Variants in DIP2C observed in about 807,000 individuals in gnomAD.
DIP2C encodes the protein disco-interacting protein 2 homolog C.
A neutral mutation model predicts 192.4 loss-of-function variants in DIP2C; 33 were observed. The observed-to-expected ratio is 0.17, with a 90% confidence interval of 0.13 to 0.23. The LOEUF is 0.23. DIP2C is among the 10% of genes least tolerant of loss of function. The pLI, the probability that DIP2C is intolerant of heterozygous loss-of-function variation, is 1.00. For synonymous variants in DIP2C, 979 were observed against 864.1 expected, an observed-to-expected ratio of 1.13 and a Z score of -2.33; for missense variants, 1,537 against 2,110.1, an observed-to-expected ratio of 0.73 and a Z score of 5.32.
chr10:370,609 G>A (rs2132791887), intron 17 of DIP2C, among the ~76,000 whole-genome samples: 1 of 152,358 alleles, frequency 6.6e-6, no homozygotes, highest in East Asian at 1.9e-4. Flanking sequence ...ATGAATAGCT[G>A]CTGACTGAAT....
At chr10:485,681 C>T (rs1843964880) in intron 2 of DIP2C, among the ~76,000 whole-genome samples, 1 of 152,154 alleles carries the variant, frequency 6.6e-6, no homozygotes, top group Non-Finnish European at 1.5e-5. Context: ...CATCCTTAAA[C>T]CTTCTAAAAT....
At chr10:593,413 C>T in intron 1 of DIP2C, among the ~76,000 whole-genome samples, 1 of 151,778 alleles carries the variant, frequency 6.6e-6, no homozygotes, top group Non-Finnish European at 1.5e-5. Context: ...TGCCTTCACA[C>T]CTCACCCCCG....
At chr10:295,475 G>A (rs1288483930) in intron 32 of DIP2C, among the ~76,000 whole-genome samples, 1 of 150,094 alleles carries the variant, frequency 6.7e-6, no homozygotes, top group African/African-American at 2.5e-5. Flanking sequence ...GCAGGAGAAT[G>A]GCATGAACCC....
intron 3 of DIP2C, among the ~76,000 whole-genome samples, chr10:464,456 C>T (rs574464055): frequency 1.5e-4 from 23 of 151,558 alleles, no homozygotes; most frequent in Admixed American, 1.1e-3. Flanking sequence ...TACCATTCCA[C>T]GCCAGTTAGA....
At chr10:641,584 TG>T (rs1855201996) in intron 1 of DIP2C, 1 of 154,046 alleles carries the variant, frequency 6.5e-6, no homozygotes, top group African/African-American at 2.4e-5. Context: ...GCCAGTACAT[TG>T]AAAAAACAGC....
intron 10 of DIP2C, 144 bp from the exon 11 acceptor site, chr10:391,007 G>C: frequency 2.5e-6 from 3 of 1,222,278 alleles, no homozygotes; most frequent in Admixed American, 2.4e-5. Context: ...GTATCTGTGG[G>C]ACCCTGAACA....
At chr10:452,658 G>A (rs1184328988) in intron 3 of DIP2C, among the ~76,000 whole-genome samples, 1 of 152,218 alleles carries the variant, frequency 6.6e-6, no homozygotes, top group Non-Finnish European at 1.5e-5. Flanking sequence ...AAGCCACGAT[G>A]GCCCCCTGGT....
chr10:378,709 A>G (rs1961972204), intron 17 of DIP2C, among the ~76,000 whole-genome samples: 1 of 152,028 alleles, frequency 6.6e-6, no homozygotes, highest in Non-Finnish European at 1.5e-5. Context: ...ATGAACAGAT[A>G]TGCACAGACA....
At chr10:672,331 G>A (rs552607055) in intron 1 of DIP2C, among the ~76,000 whole-genome samples, 1 of 152,334 alleles carries the variant, frequency 6.6e-6, no homozygotes, top group Admixed American at 6.5e-5. Flanking sequence ...ACCCACGGAC[G>A]AAGGAAACAG....
chr10:662,796 C>G, intron 1 of DIP2C: 1 of 713,066 alleles, frequency 1.4e-6, no homozygotes. Flanking sequence ...TTTAGAAGAA[C>G]CAAAACTGTG....
At chr10:341,613 C>A (rs1260152556) in intron 28 of DIP2C, among the ~76,000 whole-genome samples, 1 of 152,106 alleles carries the variant, frequency 6.6e-6, no homozygotes, top group Non-Finnish European at 1.5e-5. Flanking sequence ...CGGGGCTGCA[C>A]TGAATGCATG....
At chr10:420,340 C>T (rs1966097849) in intron 5 of DIP2C, among the ~76,000 whole-genome samples, 1 of 152,248 alleles carries the variant, frequency 6.6e-6, no homozygotes, top group East Asian at 1.9e-4. Context: ...GTCGGCCCCT[C>T]CTGACGGTGT....
At chr10:672,052 GAC>G (rs1475662240) in intron 1 of DIP2C, among the ~76,000 whole-genome samples, 2 of 146,214 alleles carry the variant, frequency 1.4e-5, no homozygotes, top group East Asian at 2.1e-4. Context: ...ACAGGCCACA[GAC>G]ACACAGACGG....
chr10:571,276 T>C (rs1849779563), intron 1 of DIP2C, among the ~76,000 whole-genome samples: 1 of 152,130 alleles, frequency 6.6e-6, no homozygotes, highest in South Asian at 2.1e-4. Context: ...GTCGACCACA[T>C]CTCAGGTCAG....
At chr10:687,885 G>A (rs1182249056) in intron 1 of DIP2C, among the ~76,000 whole-genome samples, 1 of 152,210 alleles carries the variant, frequency 6.6e-6, no homozygotes, top group East Asian at 1.9e-4. Flanking sequence ...CTGAGCTCAG[G>A]GGCGCTACGC....
intron 17 of DIP2C, among the ~76,000 whole-genome samples, chr10:371,281 G>A (rs1222916068): frequency 2.0e-5 from 3 of 152,138 alleles, no homozygotes; most frequent in Non-Finnish European, 1.5e-5. Context: ...GCTGTGGGTT[G>A]AATCGTGTCC....
intron 1 of DIP2C, among the ~76,000 whole-genome samples, chr10:684,389 C>T (rs2119101491): frequency 1.3e-5 from 2 of 152,344 alleles, no homozygotes; most frequent in South Asian, 4.1e-4. Context: ...CCAAGAAGTC[C>T]TCACCCTCCT....
At chr10:592,496 C>T (rs1034202152) in intron 1 of DIP2C, among the ~76,000 whole-genome samples, 1 of 151,196 alleles carries the variant, frequency 6.6e-6, no homozygotes, top group South Asian at 2.1e-4. Flanking sequence ...TAAACTATAG[C>T]CACAGGTACC....
intron 31 of DIP2C, among the ~76,000 whole-genome samples, chr10:326,024 T>C (rs969201515): frequency 2.3e-4 from 35 of 151,702 alleles, no homozygotes; most frequent in African/African-American, 8.0e-4. Context: ...CCACAAAAAA[T>C]TTAAAAATTA....
Sources: allele counts gnomAD v4.1 joint callset (sites outside exome capture counted in the v4.1 genomes callset), GRCh38; gene constraint gnomAD v4.1.1; transcripts MANE v1.5; gene names NCBI Gene and HGNC (gene_info 2026-07-23, HGNC 2026-07-21).